Variants in TRAM2 observed in about 807,000 individuals in gnomAD.
The protein encoded by TRAM2 is translocation associated membrane protein 2.
Under a neutral mutation model 51.0 loss-of-function variants are expected in TRAM2, and 12 were observed. The observed-to-expected ratio is 0.24, with a 90% confidence interval of 0.15 to 0.38. The LOEUF (loss-of-function observed/expected upper bound fraction) is 0.38, where lower values mean the gene tolerates loss of function less well. Ranked by LOEUF, TRAM2 falls within the 10% of genes least tolerant of loss-of-function variation. The pLI is 1.00. For synonymous variants in TRAM2, 175 were observed against 179.4 expected, an observed-to-expected ratio of 0.98 and a Z score of 0.20; for missense variants, 361 against 462.0, an observed-to-expected ratio of 0.78 and a Z score of 2.00.
chr6:52,515,852 T>G, intron 4 of TRAM2, 154 bp downstream of exon 4: 1 of 677,042 alleles, frequency 1.5e-6, no homozygotes, highest in Non-Finnish European at 2.6e-6. Flanking sequence ...GCTTCAGTTC[T>G]AAGAAGCTAA....
intron 2 of TRAM2, chr6:52,524,990 A>C (rs547458291): frequency 6.6e-6 from 1 of 152,424 alleles, no homozygotes; most frequent in East Asian, 1.9e-4. Flanking sequence ...CTAAAGGAAC[A>C]GAAGAGTCAC....
chr6:52,521,391 C>G lies in TRAM2; in HGVS notation c.185-4654G>C, dbSNP rs188430830. 2.7e-3 allele frequency among the ~76,000 whole-genome samples: 417 copies of G among 151,756 alleles called. 3 individuals are homozygous for G. The highest frequency in any genetic ancestry group is 9.7e-3 in the African/African-American group (402 of 41,398). On this transcript the variant is annotated intron_variant, in intron 2 of 10. Transcript: ENST00000182527. The stretch of plus-strand genomic sequence containing the variant: ...TTTTAAATTTTGGTTGCCACTAATT[C>G]TTATAAAAATCCTCACACAAGGCTG...
At chr6:52,566,218 G>T (rs1767588817) in intron 1 of TRAM2, among the ~76,000 whole-genome samples, 1 of 152,136 alleles carries the variant, frequency 6.6e-6, no homozygotes, top group Non-Finnish European at 1.5e-5. Flanking sequence ...AAGGTCTAGA[G>T]AAAAGCCCTT....
intron 1 of TRAM2, among the ~76,000 whole-genome samples, chr6:52,568,747 TAA>T (rs935577368): frequency 6.6e-6 from 1 of 152,214 alleles, no homozygotes; most frequent in African/African-American, 2.4e-5. Context: ...AGCCTCTTTT[TAA>T]AAGTCTCTAT....
At chr6:52,521,169 C>T (rs994524989) in intron 2 of TRAM2, among the ~76,000 whole-genome samples, 4 of 151,910 alleles carry the variant, frequency 2.6e-5, no homozygotes, top group African/African-American at 7.3e-5. Context: ...CTTGGCTTCC[C>T]AAAGTGCTGG....
chr6:52,512,913 A>T (rs1238359222), intron 4 of TRAM2, among the ~76,000 whole-genome samples: 4 of 152,244 alleles, frequency 2.6e-5, no homozygotes, highest in Non-Finnish European at 5.9e-5. Flanking sequence ...AGCATTAAGG[A>T]CATTCCCTCT....
At chr6:52,505,777 T>C (rs1163578971) in intron 8 of TRAM2, 35 bp from the exon 9 acceptor site, 4 of 1,572,876 alleles carry the variant, frequency 2.5e-6, no homozygotes, top group Admixed American at 3.7e-5. Flanking sequence ...TGTCAGTCTT[T>C]AGCGCCCTTG....
intron 2 of TRAM2, among the ~76,000 whole-genome samples, chr6:52,521,605 G>C (rs1766675488): frequency 6.6e-6 from 1 of 151,950 alleles, no homozygotes; most frequent in Admixed American, 6.6e-5. Flanking sequence ...GCTGAGGCAG[G>C]AGAATGGCGT....
Position 52,502,543 on chromosome 6 carries a change from T to C in TRAM2, c.*654A>G, listed in dbSNP as rs953618717. On this transcript the variant is annotated 3_prime_UTR_variant, in exon 11 of 11. Transcript: ENST00000182527. ...ACCGAGTTCACACCATCCTTCTGGA[T>C]TGAGTTGTCACGTCCCAAAGCCAAA... 3.9e-5 allele frequency: 6 copies of C among 152,346 alleles called. No homozygotes were observed. Among genetic ancestry groups the C allele is most frequent in the African/African-American group, 1.4e-4 (6 of 41,466 alleles). The allele number at this position is 152,346 out of a possible 1,614,324, so 9.4% of individuals were successfully genotyped here. A position where few individuals can be genotyped will look rare whatever the true frequency, so the allele number is the denominator to read the frequency against.
chr6:52,533,983 G>A (rs908342346), intron 2 of TRAM2, among the ~76,000 whole-genome samples: 3 of 152,004 alleles, frequency 2.0e-5, no homozygotes, highest in African/African-American at 7.3e-5. Flanking sequence ...TACTTGGGAG[G>A]CTGAGGCAGG....
chr6:52,566,917 C>T (rs1767598919), intron 1 of TRAM2, among the ~76,000 whole-genome samples: 2 of 152,232 alleles, frequency 1.3e-5, no homozygotes, highest in Admixed American at 1.3e-4. Flanking sequence ...GGCAGCTCAA[C>T]TGGGGTAGTC....
At chr6:52,556,272 T>C (rs921233856) in intron 1 of TRAM2, among the ~76,000 whole-genome samples, 1 of 117,616 alleles carries the variant, frequency 8.5e-6, no homozygotes, top group Non-Finnish European at 1.8e-5. Context: ...TCTGTACTTT[T>C]TGTTTTGTTT....
intron 1 of TRAM2, 127 bp from the exon 2 acceptor site, chr6:52,535,973 T>G: frequency 1.4e-6 from 1 of 697,032 alleles, no homozygotes; most frequent in Non-Finnish European, 2.4e-6. Flanking sequence ...TTCTGCCTAA[T>G]GCAGAGTTAG....
chr6:52,516,564 C>T, intron 3 of TRAM2, 64 bp downstream of exon 3: 1 of 1,373,068 alleles, frequency 7.3e-7, no homozygotes, highest in Non-Finnish European at 1.0e-6. Flanking sequence ...TCCTCCAAGG[C>T]CAGGTCCTCC....
At chr6:52,506,252 C>T in intron 7 of TRAM2, 116 bp from the exon 8 acceptor site, 1 of 882,654 alleles carries the variant, frequency 1.1e-6, no homozygotes, top group Non-Finnish European at 1.8e-6. Context: ...TTTCCACTCC[C>T]ACTTTCCCTG....
intron 1 of TRAM2, among the ~76,000 whole-genome samples, chr6:52,563,329 CAGAT>C (rs1243344461): frequency 2.6e-5 from 4 of 152,286 alleles, no homozygotes; most frequent in Admixed American, 1.3e-4. Context: ...AGGAAACAGA[CAGAT>C]AGACAGACAG....
chr6:52,561,698 G>C (rs529495678), intron 1 of TRAM2, among the ~76,000 whole-genome samples: 1 of 152,042 alleles, frequency 6.6e-6, no homozygotes, highest in South Asian at 2.1e-4. Context: ...CACCATGTTA[G>C]CCAGGATGGT....
chr6:52,539,437 A>C (rs1289382004), intron 1 of TRAM2, among the ~76,000 whole-genome samples: 1 of 152,192 alleles, frequency 6.6e-6, no homozygotes. Flanking sequence ...AAATCCACAA[A>C]TAATAAGGAT....
At chr6:52,547,349 T>G (rs1264416018) in intron 1 of TRAM2, among the ~76,000 whole-genome samples, 3 of 152,208 alleles carry the variant, frequency 2.0e-5, no homozygotes, top group Non-Finnish European at 4.4e-5. Context: ...GAGGGTGCAC[T>G]GGGCCTGGGC....
Sources: allele counts gnomAD v4.1 joint callset (sites outside exome capture counted in the v4.1 genomes callset), GRCh38; gene constraint gnomAD v4.1.1; transcripts MANE v1.5; gene names NCBI Gene and HGNC (gene_info 2026-07-23, HGNC 2026-07-21).